Variants in PCLAF observed in about 807,000 individuals in gnomAD.
The protein encoded by PCLAF is PCNA clamp associated factor.
Under a neutral mutation model 15.1 loss-of-function variants are expected in PCLAF, and 12 were observed. The observed-to-expected ratio is 0.79, with a 90% CI of 0.51 to 1.29. The LOEUF is 1.29. PCLAF is among the 50% of genes most tolerant of loss of function. The pLI, the probability that PCLAF is intolerant of heterozygous loss-of-function variation, is 0.00. For missense variants in PCLAF, 116 were observed against 130.9 expected, an observed-to-expected ratio of 0.89 and a Z score of 0.56; for synonymous variants, 33 against 47.1, an observed-to-expected ratio of 0.70 and a Z score of 1.22.
chr15:64,387,643 G>T, exon 1 of PCLAF: 1 of 1,410,464 alleles, frequency 7.1e-7, no homozygotes. Context: ...CAAGAATCAT[G>T]CACTGACAGA....
chr15:64,384,984 C>T (rs528145178), upstream of PCLAF, among the ~76,000 whole-genome samples: 44 of 152,062 alleles, frequency 2.9e-4, no homozygotes, highest in African/African-American at 8.4e-4. Context: ...ACTGCAGCCT[C>T]GCCTCCTGAG....
chr15:64,373,676 A>G, intron 3 of PCLAF: 1 of 1,534,264 alleles, frequency 6.5e-7, no homozygotes, highest in South Asian at 1.2e-5. Flanking sequence ...ACCCAGAATG[A>G]GCATCGCCAC....
intron 3 of PCLAF, among the ~76,000 whole-genome samples, chr15:64,372,772 GA>G (rs1353171495): frequency 6.6e-6 from 1 of 152,170 alleles, no homozygotes; most frequent in Non-Finnish European, 1.5e-5. Context: ...AGGAGATCAA[GA>G]CCATCCTGGC....
In PCLAF at chr15:64,367,174, T is replaced by C. The variant is rs140658007; in HGVS notation, c.291-1099A>G. 1.4e-3 allele frequency among the ~76,000 whole-genome samples: 216 copies of C among 151,896 alleles called. 1 individual carries two copies. The highest frequency in any genetic ancestry group is 2.6e-3 in the Non-Finnish European group (177 of 67,922). ...AAGAAAAACCCCAAAATTGTTAGCA[T>C]AGAATAGTTGTAGCTTTTGAAAAAT... On this transcript the variant is annotated intron_variant, in intron 3 of 3. Transcript: ENST00000300035.
intron 2 of PCLAF, 82 bp from the exon 3 acceptor site, chr15:64,376,987 C>A (rs181493879): frequency 9.3e-7 from 1 of 1,074,086 alleles, no homozygotes; most frequent in South Asian, 1.7e-5. Flanking sequence ...CCTTCTTTAA[C>A]ATCAAATTCT....
At chr15:64,371,467 T>C (rs1292972764) in intron 3 of PCLAF, among the ~76,000 whole-genome samples, 2 of 152,094 alleles carry the variant, frequency 1.3e-5, no homozygotes, top group African/African-American at 4.8e-5. Flanking sequence ...GGTTTCACCA[T>C]TTTGGCCAGG....
upstream of PCLAF, among the ~76,000 whole-genome samples, chr15:64,384,213 C>T (rs1055036702): frequency 1.3e-5 from 2 of 152,112 alleles, no homozygotes; most frequent in East Asian, 3.9e-4. Context: ...CAGCTCAATG[C>T]AACCTCTGTC....
chr15:64,376,599 A>G, intron 3 of PCLAF, 144 bp downstream of exon 3: 1 of 594,184 alleles, frequency 1.7e-6, no homozygotes, highest in East Asian at 2.9e-5. Context: ...TTGTATTTTT[A>G]GTAGAGACAG....
At chr15:64,374,721 C>A (rs1162460860) in intron 3 of PCLAF, among the ~76,000 whole-genome samples, 1 of 151,764 alleles carries the variant, frequency 6.6e-6, no homozygotes, top group East Asian at 1.9e-4. Context: ...TGGCACATGC[C>A]TGTAATTCCA....
At chr15:64,384,151 T>C (rs1318938484), upstream of PCLAF, among the ~76,000 whole-genome samples, 3 of 152,162 alleles carry the variant, frequency 2.0e-5, no homozygotes, top group Non-Finnish European at 4.4e-5. Context: ...TTTATTAATT[T>C]TGAGACAGAG....
At chr15:64,384,596 G>A (rs887630262), upstream of PCLAF, among the ~76,000 whole-genome samples, 1 of 151,514 alleles carries the variant, frequency 6.6e-6, no homozygotes, top group Non-Finnish European at 1.5e-5. Flanking sequence ...ACAAAAACTA[G>A]CCAGGCATGA....
At chr15:64,383,406 G>T (rs534469693), upstream of PCLAF, among the ~76,000 whole-genome samples, 1 of 149,038 alleles carries the variant, frequency 6.7e-6, no homozygotes, top group Non-Finnish European at 1.5e-5. Context: ...TCACTTCTTC[G>T]CCCAGGTTGG....
chr15:64,381,574 G>A (rs1201829179), upstream of PCLAF: 1 of 1,414,936 alleles, frequency 7.1e-7, no homozygotes, highest in East Asian at 2.5e-5. Context: ...TGGTGACAGC[G>A]GCGAGGCTTC....
At chr15:64,367,469 C>T (rs1899088126) in intron 3 of PCLAF, among the ~76,000 whole-genome samples, 1 of 151,812 alleles carries the variant, frequency 6.6e-6, no homozygotes, top group African/African-American at 2.4e-5. Flanking sequence ...AATCATTGCA[C>T]TCCAGCCTGG....
chr15:64,381,560 C>T, upstream of PCLAF: 1 of 1,449,234 alleles, frequency 6.9e-7, no homozygotes, highest in South Asian at 1.4e-5. Flanking sequence ...TTGCCAATGC[C>T]CAGTGGTGAC....
chr15:64,372,342 C>T (rs1013700862), intron 3 of PCLAF, among the ~76,000 whole-genome samples: 1 of 152,188 alleles, frequency 6.6e-6, no homozygotes, highest in Non-Finnish European at 1.5e-5. Context: ...GGGCTGGGTG[C>T]GATGGCTCAC....
upstream of PCLAF, among the ~76,000 whole-genome samples, chr15:64,383,527 C>T (rs370361531): frequency 4.6e-5 from 7 of 151,958 alleles, no homozygotes; most frequent in Non-Finnish European, 1.0e-4. Flanking sequence ...CCAAAACACT[C>T]GGCTAATTTT....
chr15:64,381,044 AAG>A lies in PCLAF; in HGVS notation c.47-8_47-7del, dbSNP rs1899799520. On this transcript the variant is annotated splice_polypyrimidine_tract_variant and splice_region_variant and intron_variant, in intron 1 of 3. Transcript: ENST00000300035. The stretch of plus-strand genomic sequence containing the variant: ...GGGGGCTCGAGCAGCCACCACTGTG[AAG>A]AGAGGCAAAAAAGGGTGTTCAGAAG... 6.2e-7 allele frequency: 1 copy of A among 1,613,928 alleles called. No homozygotes were observed. The highest frequency in any genetic ancestry group is 1.3e-5 in the African/African-American group (1 of 75,032).
At chr15:64,378,056 G>A (rs1033419965) in intron 2 of PCLAF, among the ~76,000 whole-genome samples, 1 of 151,858 alleles carries the variant, frequency 6.6e-6, no homozygotes, top group Non-Finnish European at 1.5e-5. Context: ...TCAGCCTCCC[G>A]AGCAGTTGGG....
Sources: allele counts gnomAD v4.1 joint callset (sites outside exome capture counted in the v4.1 genomes callset), GRCh38; gene constraint gnomAD v4.1.1; transcripts MANE v1.5; gene names NCBI Gene and HGNC (gene_info 2026-07-23, HGNC 2026-07-21).